The following SHISA6 variants were observed in gnomAD, a reference collection of about 807,000 sequenced individuals.
SHISA6 encodes the protein shisa family member 6.
In SHISA6, 22 loss-of-function variants were observed where a neutral mutation model predicts 47.9. That is an observed-to-expected ratio of 0.46 (90% CI 0.33 to 0.66). The LOEUF is 0.66. Among genes scored for constraint, SHISA6 ranks in the 30% least tolerant of loss-of-function variants. The probability of loss-of-function intolerance (pLI) is 0.02; values close to 1 mark genes in which losing one functional copy is unlikely to be tolerated. For synonymous variants in SHISA6, 388 were observed against 337.8 expected, an observed-to-expected ratio of 1.15 and a Z score of -1.63; for missense variants, 680 against 764.6, an observed-to-expected ratio of 0.89 and a Z score of 1.30.
At chr17:11,319,901 T>C (rs1016948680) in intron 2 of SHISA6, among the ~76,000 whole-genome samples, 2 of 152,214 alleles carry the variant, frequency 1.3e-5, no homozygotes. Flanking sequence ...AAAACAATTA[T>C]GACAGCGGAT....
chr17:11,424,548 GC>G (rs956383303), intron 3 of SHISA6, among the ~76,000 whole-genome samples: 58 of 151,484 alleles, frequency 3.8e-4, no homozygotes, highest in African/African-American at 1.3e-3. Flanking sequence ...CAATTATAAA[GC>G]CCAATACTGA....
At chr17:11,269,270 G>A (rs1174650461) in intron 2 of SHISA6, among the ~76,000 whole-genome samples, 2 of 152,054 alleles carry the variant, frequency 1.3e-5, no homozygotes, top group Admixed American at 1.3e-4. Context: ...TTGATCTCTT[G>A]ACCTCGTGAC....
At chr17:11,336,615 A>G (rs966770946) in intron 2 of SHISA6, among the ~76,000 whole-genome samples, 4 of 152,170 alleles carry the variant, frequency 2.6e-5, no homozygotes, top group Admixed American at 2.6e-4. Flanking sequence ...AGGAGGGGGC[A>G]GGGAAGAAGT....
chr17:11,436,014 G>T (rs537220534), intron 3 of SHISA6, among the ~76,000 whole-genome samples: 4 of 152,212 alleles, frequency 2.6e-5, no homozygotes, highest in Non-Finnish European at 5.9e-5. Context: ...TACATAGGCA[G>T]ACTTGGGGAA....
chr17:11,264,309 A>G (rs1365374168), intron 2 of SHISA6, among the ~76,000 whole-genome samples: 5 of 152,216 alleles, frequency 3.3e-5, no homozygotes, highest in Non-Finnish European at 5.9e-5. Flanking sequence ...TCTTAGAAGT[A>G]CTTATATTAT....
At chr17:11,300,117 C>G (rs1909870991) in intron 2 of SHISA6, among the ~76,000 whole-genome samples, 1 of 140,992 alleles carries the variant, frequency 7.1e-6, no homozygotes, top group Admixed American at 7.7e-5. Flanking sequence ...TGCACTCCAG[C>G]TTGTGCGACA....
chr17:11,531,416 G>A (rs2071731951), intron 3 of SHISA6, among the ~76,000 whole-genome samples: 1 of 152,080 alleles, frequency 6.6e-6, no homozygotes, highest in Admixed American at 6.6e-5. Context: ...CTTGGAATTA[G>A]TACTGATAAA....
At chr17:11,374,726 A>G (rs140402911) in intron 2 of SHISA6, among the ~76,000 whole-genome samples, 6 of 152,172 alleles carry the variant, frequency 3.9e-5, no homozygotes, top group African/African-American at 1.4e-4. Flanking sequence ...GCCCTTAAAT[A>G]GTAATAGTAC....
At chr17:11,385,830 G>A (rs1475066766) in intron 3 of SHISA6, among the ~76,000 whole-genome samples, 1 of 152,024 alleles carries the variant, frequency 6.6e-6, no homozygotes, top group Non-Finnish European at 1.5e-5. Flanking sequence ...GTGCTGTCTT[G>A]GAAATAGAGT....
Position 11,263,512 on chromosome 17 carries a change from C to G in SHISA6, c.785C>G (p.Ala262Gly), listed in dbSNP as rs1040191436. The G allele has an allele frequency of 5.8e-6, 9 of 1,551,556 alleles. No individual in the cohort carries two copies. In the African/African-American group the frequency reaches 9.6e-5, roughly 17 times the overall value. Residue 262 changes from alanine (A) to glycine (G), a missense_variant, in exon 2 of 6, where the codon GCC becomes GGC. By Grantham distance (60) the Ala-to-Gly change is moderately conservative. This residue lies in a region of SHISA6 where 559 missense variants were observed against 674.1 expected (regional missense o/e 0.83). Transcript: ENST00000441885. ...SKNHYTPVRT[A>G]KQTPGHYGKD... is the part of the protein sequence containing the mutation. ...AACCACTACACTCCTGTGCGTACGG[C>G]CAAGCAGACTCCAGGTAAGTAACAG...
chr17:11,251,034 C>G (rs1203704383), intron 1 of SHISA6, among the ~76,000 whole-genome samples: 1 of 152,034 alleles, frequency 6.6e-6, no homozygotes, highest in African/African-American at 2.4e-5. Flanking sequence ...GATGAGGAAA[C>G]CGATTCAGAG....
intron 2 of SHISA6, among the ~76,000 whole-genome samples, chr17:11,361,390 T>A (rs7213354): frequency 0.31 from 47,451 of 152,120 alleles, 7,717 homozygotes; most frequent in Middle Eastern, 0.36. Context: ...TTTAGAAAAT[T>A]TTTAGGGCAT....
chr17:11,544,401 C>T (rs912890425), intron 3 of SHISA6, among the ~76,000 whole-genome samples: 3 of 151,602 alleles, frequency 2.0e-5, no homozygotes, highest in Admixed American at 6.6e-5. Context: ...GAAGTAACGA[C>T]GAGACATTAT....
intron 3 of SHISA6, among the ~76,000 whole-genome samples, chr17:11,489,769 T>G (rs1916429980): frequency 6.6e-6 from 1 of 152,322 alleles, no homozygotes; most frequent in Admixed American, 6.5e-5. Flanking sequence ...AAGATGTTTT[T>G]GATCATCCCA....
At chr17:11,533,764 TTG>T (rs1489691267) in intron 3 of SHISA6, among the ~76,000 whole-genome samples, 1 of 151,418 alleles carries the variant, frequency 6.6e-6, no homozygotes, top group Non-Finnish European at 1.5e-5. Flanking sequence ...GGCTAATTTT[TTG>T]TATTTTTAGT....
At chr17:11,270,595 T>G (rs775127640) in intron 2 of SHISA6, among the ~76,000 whole-genome samples, 7 of 152,222 alleles carry the variant, frequency 4.6e-5, no homozygotes, top group Non-Finnish European at 7.3e-5. Flanking sequence ...CTGTGGCAAC[T>G]ACCCAGTTCT....
At chr17:11,258,945 A>T (rs1908122995) in intron 1 of SHISA6, among the ~76,000 whole-genome samples, 1 of 152,038 alleles carries the variant, frequency 6.6e-6, no homozygotes, top group African/African-American at 2.4e-5. Context: ...GGATGGATGG[A>T]GTGTTGGGTG....
At chr17:11,281,841 C>T (rs980675391) in intron 2 of SHISA6, among the ~76,000 whole-genome samples, 1 of 152,118 alleles carries the variant, frequency 6.6e-6, no homozygotes, top group Admixed American at 6.6e-5. Flanking sequence ...TCAGGAACAA[C>T]CAAGCATGAC....
intron 2 of SHISA6, among the ~76,000 whole-genome samples, chr17:11,277,276 TCTCTCACA>T (rs1441985418): frequency 4.8e-5 from 3 of 62,642 alleles, no homozygotes; most frequent in Non-Finnish European, 6.7e-5. Context: ...TCTCTCTCTC[TCTCTCACA>T]CACACACACA....
Sources: gnomAD v4.1 joint callset for allele counts (sites outside exome capture counted in the v4.1 genomes callset) on GRCh38, gnomAD v4.1.1 for gene constraint, gnomAD v4.1.1 regional missense constraint, MANE v1.5 for transcripts, NCBI Gene and HGNC (gene_info 2026-07-23, HGNC 2026-07-21) for gene names.